CSMD3: variants seen among roughly 807,000 people sequenced by gnomAD.
CSMD3 encodes CUB and Sushi multiple domains 3.
A neutral mutation model predicts 435.2 loss-of-function variants in CSMD3; 177 were observed. The ratio of observed to expected loss-of-function variants is 0.41; its 90% CI spans 0.36 to 0.46. CSMD3 has a LOEUF of 0.46. CSMD3 is among the 20% of genes least tolerant of loss of function. The pLI is 0.34. For missense variants in CSMD3, 4,265 were observed against 4,504.6 expected (o/e 0.95, Z 1.52); for synonymous variants, 1,656 against 1,520.5 (o/e 1.09, Z -2.07).
intron 32 of CSMD3, among the ~76,000 whole-genome samples, chr8:112,428,930 G>T (rs1327938009): frequency 2.0e-5 from 3 of 151,944 alleles, no homozygotes; most frequent in African/African-American, 4.8e-5. Context: ...AGATACAATT[G>T]TATGTGGATA....
At chr8:113,264,150 A>C (rs2132373140) in intron 3 of CSMD3, among the ~76,000 whole-genome samples, 1 of 151,514 alleles carries the variant, frequency 6.6e-6, no homozygotes, top group Middle Eastern at 4.0e-3. Context: ...CAGTTTACTA[A>C]GTTTTGGGAA....
intron 5 of CSMD3, among the ~76,000 whole-genome samples, chr8:113,082,340 T>C (rs2089599130): frequency 6.6e-6 from 1 of 152,126 alleles, no homozygotes; most frequent in African/African-American, 2.4e-5. Flanking sequence ...CACAAATAAA[T>C]GCATTCTAAC....
intron 1 of CSMD3, among the ~76,000 whole-genome samples, chr8:113,344,929 T>C (rs575145339): frequency 6.6e-6 from 1 of 152,100 alleles, no homozygotes; most frequent in Admixed American, 6.6e-5. Flanking sequence ...TCCAAAATTA[T>C]CACTGGCTTT....
At chr8:112,409,168 A>G in intron 32 of CSMD3, 136 bp from the exon 33 acceptor site, 5 of 1,480,484 alleles carry the variant, frequency 3.4e-6, no homozygotes, top group South Asian at 1.3e-5. Context: ...TCTACCTAAA[A>G]GAGGATAGGT....
chr8:112,743,455 C>T (rs1268954164), intron 13 of CSMD3, among the ~76,000 whole-genome samples: 8 of 151,706 alleles, frequency 5.3e-5, no homozygotes, highest in Non-Finnish European at 1.2e-4. Flanking sequence ...TTCTAAATAA[C>T]GCTATGGATT....
chr8:112,482,323 T>C (rs1470911530), intron 31 of CSMD3, among the ~76,000 whole-genome samples: 1 of 152,202 alleles, frequency 6.6e-6, no homozygotes, highest in Admixed American at 6.5e-5. Flanking sequence ...TTGGAGGGCA[T>C]AGACAGTTAA....
At chr8:112,924,524 T>C (rs953217767) in intron 9 of CSMD3, among the ~76,000 whole-genome samples, 2 of 152,078 alleles carry the variant, frequency 1.3e-5, no homozygotes, top group Non-Finnish European at 2.9e-5. Flanking sequence ...ATAAATGACA[T>C]CTTGTTTAAG....
intron 9 of CSMD3, among the ~76,000 whole-genome samples, chr8:112,925,733 C>T (rs377241667): frequency 2.0e-5 from 3 of 152,116 alleles, no homozygotes; most frequent in African/African-American, 7.2e-5. Flanking sequence ...GGACCATTTT[C>T]TACCTTACTA....
intron 38 of CSMD3, among the ~76,000 whole-genome samples, chr8:112,367,226 A>G (rs571408749): frequency 8.7e-4 from 132 of 152,276 alleles, no homozygotes; most frequent in African/African-American, 3.1e-3. Context: ...TTCACCGTCC[A>G]TACAAGTTTT....
rs570096234 is a variant in CSMD3 at position 112,726,426 on chromosome 8, T to C, written c.1973-36376A>G. 2.6e-5 allele frequency among the ~76,000 whole-genome samples: 4 copies of C among 151,986 alleles called. No homozygotes were observed. In the East Asian group the frequency reaches 7.7e-4, roughly 29 times the overall value. ...TGCATTCTAAGTACTTAGCCAATTA[T>C]TATGTACTTGGCAAGTAGTAAAGAT... On this transcript the variant is annotated intron_variant, in intron 13 of 70. Transcript: ENST00000297405.
intron 13 of CSMD3, among the ~76,000 whole-genome samples, chr8:112,700,781 A>G (rs575820908): frequency 6.6e-5 from 10 of 152,160 alleles, no homozygotes; most frequent in Non-Finnish European, 1.0e-4. Context: ...ACAGGAACAC[A>G]GGAATCTTCC....
chr8:112,563,100 T>C (rs1249733714), intron 24 of CSMD3, among the ~76,000 whole-genome samples: 1 of 151,468 alleles, frequency 6.6e-6, no homozygotes, highest in Non-Finnish European at 1.5e-5. Context: ...GCTGCAATAA[T>C]CCTCTGTGAT....
intron 5 of CSMD3, among the ~76,000 whole-genome samples, chr8:113,069,771 G>C (rs931194460): frequency 2.6e-5 from 4 of 152,048 alleles, no homozygotes; most frequent in Non-Finnish European, 5.9e-5. Flanking sequence ...AACAGAGTAC[G>C]GGTAGAAGAC....
chr8:113,382,948 T>C (rs1005124409), intron 1 of CSMD3, among the ~76,000 whole-genome samples: 2 of 152,094 alleles, frequency 1.3e-5, no homozygotes, highest in Admixed American at 1.3e-4. Flanking sequence ...GCCACTGCAC[T>C]CCAGCCTGGG....
intron 22 of CSMD3, among the ~76,000 whole-genome samples, chr8:112,617,071 A>T (rs1241073084): frequency 6.6e-6 from 1 of 152,100 alleles, no homozygotes; most frequent in Admixed American, 6.6e-5. Context: ...CACTTATGTG[A>T]CCTACGTGGA....
At chr8:113,434,301 G>A (rs2094692231) in intron 1 of CSMD3, among the ~76,000 whole-genome samples, 1 of 152,174 alleles carries the variant, frequency 6.6e-6, no homozygotes, top group South Asian at 2.1e-4. Context: ...CCAGTCTGAG[G>A]TTTTTCATGG....
intron 5 of CSMD3, among the ~76,000 whole-genome samples, chr8:113,028,856 C>T (rs548065264): frequency 2.0e-5 from 3 of 151,650 alleles, no homozygotes; most frequent in Admixed American, 6.6e-5. Flanking sequence ...CATAAAGTGA[C>T]GTAGAAGCTG....
At chr8:112,568,920 C>T (rs1829281315) in intron 24 of CSMD3, among the ~76,000 whole-genome samples, 1 of 152,098 alleles carries the variant, frequency 6.6e-6, no homozygotes, top group African/African-American at 2.4e-5. Context: ...TTCTTCCTTG[C>T]TAACAACTCT....
chr8:113,273,754 T>C lies in CSMD3; in HGVS notation c.514+4838A>G, dbSNP rs1044774260. Reference sequence around the variant, plus strand: ...TTTAATGGATCTCATTTGTAGTGTTTTCTGATATCTGACAGAATTTCACTA... The same window carrying C: ...TTTAATGGATCTCATTTGTAGTGTTCTCTGATATCTGACAGAATTTCACTA... On this transcript the variant is annotated intron_variant, in intron 3 of 70. Coordinates refer to ENST00000297405, the MANE Select transcript of CSMD3 (RefSeq NM_198123.2). Among the ~76,000 whole-genome samples, 4 of 152,292 alleles carry C rather than the reference T, an allele frequency of 2.6e-5. No homozygotes were observed. In the South Asian group the frequency reaches 8.3e-4, roughly 32 times the overall value.
Sources: allele counts gnomAD v4.1 joint callset (sites outside exome capture counted in the v4.1 genomes callset), GRCh38; gene constraint gnomAD v4.1.1; transcripts MANE v1.5; gene names NCBI Gene and HGNC (gene_info 2026-07-23, HGNC 2026-07-21).